HIBCH: variants seen among roughly 807,000 people sequenced by gnomAD.
The protein encoded by HIBCH is 3-hydroxyisobutyryl-CoA hydrolase, mitochondrial.
HIBCH carries 50 observed loss-of-function variants against 58.2 expected under a neutral mutation model. The ratio of observed to expected loss-of-function variants is 0.86; its 90% CI spans 0.68 to 1.09. The LOEUF is 1.09. Among genes scored for constraint, HIBCH ranks in the 50% least tolerant of loss-of-function variants. HIBCH has a pLI of 0.00. For synonymous variants in HIBCH, 151 were observed against 146.9 expected, an observed-to-expected ratio of 1.03 and a Z score of -0.20; for missense variants, 450 against 449.7, an observed-to-expected ratio of 1.00 and a Z score of -0.01.
At position 190,319,755 on chromosome 2, in the gene HIBCH, A is replaced by C; in HGVS notation, c.-5T>G. ...CCACATCTCGCGCTGCCCCATCGCC[A>C]AACACTCCGAAGCTAAAGCAGCAGA... On this transcript the variant is annotated 5_prime_UTR_variant, in exon 1 of 14. Transcript: ENST00000359678. 1 of 1,611,414 alleles carries C rather than the reference A, an allele frequency of 6.2e-7. No homozygotes were observed. Among genetic ancestry groups the C allele is most frequent in the South Asian group, 1.1e-5 (1 of 90,138 alleles).
At chr2:190,319,370 G>A (rs1170518820) in intron 1 of HIBCH, among the ~76,000 whole-genome samples, 1 of 152,208 alleles carries the variant, frequency 6.6e-6, no homozygotes, top group African/African-American at 2.4e-5. Flanking sequence ...AAAACATGCC[G>A]CACAGTTCCG....
chr2:190,286,573 TG>T (rs1490746737), intron 6 of HIBCH, among the ~76,000 whole-genome samples: 1 of 152,204 alleles, frequency 6.6e-6, no homozygotes, highest in African/African-American at 2.4e-5. Context: ...AGCCCTTTCC[TG>T]CCATGAAGAC....
intron 1 of HIBCH, among the ~76,000 whole-genome samples, chr2:190,192,189 A>G (rs762659188): frequency 1.3e-5 from 2 of 152,120 alleles, no homozygotes; most frequent in Non-Finnish European, 2.9e-5. Flanking sequence ...CAATTGTTCC[A>G]ATCCCATTTG....
At chr2:190,234,422 G>A (rs974387437) in intron 11 of HIBCH, among the ~76,000 whole-genome samples, 1 of 152,150 alleles carries the variant, frequency 6.6e-6, no homozygotes, top group Non-Finnish European at 1.5e-5. Flanking sequence ...TCCAACAGTA[G>A]AAATGAATAA....
intron 11 of HIBCH, among the ~76,000 whole-genome samples, chr2:190,238,471 T>C (rs558172237): frequency 1.3e-5 from 2 of 152,212 alleles, no homozygotes; most frequent in South Asian, 4.1e-4. Context: ...TAAATGTCTT[T>C]TGTTTGTTTT....
In HIBCH at chr2:190,194,563, G is replaced by A. The variant is rs188623968; in HGVS notation, c.*18-4566C>T. 5.3e-5 allele frequency among the ~76,000 whole-genome samples: 8 copies of A among 151,076 alleles called. No homozygotes were observed. The East Asian group carries it at 1.2e-3, about 22-fold the overall frequency. On this transcript the variant is annotated intron_variant, in intron 1 of 1. Transcript: ENST00000399855. The stretch of plus-strand genomic sequence containing the variant: ...CACATCGCAATCACCTGAAATCCAC[G>A]TTATTTTAGGGTTCATTCCTGGTGT...
intron 6 of HIBCH, among the ~76,000 whole-genome samples, chr2:190,286,080 G>A (rs895207831): frequency 3.3e-5 from 5 of 151,944 alleles, no homozygotes; most frequent in Non-Finnish European, 5.9e-5. Flanking sequence ...AGCCTCAAGC[G>A]ATTTACCCAC....
At chr2:190,316,216 G>C (rs1297059067) in intron 1 of HIBCH, among the ~76,000 whole-genome samples, 2 of 151,978 alleles carry the variant, frequency 1.3e-5, no homozygotes, top group African/African-American at 4.8e-5. Flanking sequence ...ATGATACATG[G>C]GCTCAAATGC....
intron 4 of HIBCH, among the ~76,000 whole-genome samples, chr2:190,291,923 A>T (rs1020861560): frequency 1.1e-3 from 161 of 152,374 alleles, no homozygotes; most frequent in African/African-American, 3.8e-3. Flanking sequence ...CTTTTATGGG[A>T]AAGTATTACA....
chr2:190,308,620 G>A (rs1447902335), intron 2 of HIBCH, among the ~76,000 whole-genome samples: 1 of 152,116 alleles, frequency 6.6e-6, no homozygotes. Flanking sequence ...GGACTCTACA[G>A]AGGTCCCACC....
intron 7 of HIBCH, among the ~76,000 whole-genome samples, chr2:190,252,970 C>T (rs956930406): frequency 6.6e-6 from 1 of 152,254 alleles, no homozygotes; most frequent in African/African-American, 2.4e-5. Flanking sequence ...AGGCAGATCA[C>T]CTGAGGTCAG....
In HIBCH at chr2:190,291,619, T is replaced by C. The variant is rs531503663; in HGVS notation, c.305-1134A>G. ...TGACATTCTTATTTATTAACATCGA[T>C]AGAAATGTAAATTCTCAAAGACATT... On this transcript the variant is annotated intron_variant, in intron 4 of 13. Coordinates refer to ENST00000359678, the MANE Select transcript of HIBCH (RefSeq NM_014362.4). 7.2e-4 allele frequency among the ~76,000 whole-genome samples: 109 copies of C among 152,360 alleles called. 1 individual carries two copies. In the Middle Eastern group the frequency reaches 0.017, roughly 24 times the overall value.
At position 190,209,809 on chromosome 2, in the gene HIBCH, C is replaced by G. The variant is rs1690475698; in HGVS notation, c.1012-896G>C. On this transcript the variant is annotated intron_variant, in intron 12 of 13. Transcript: ENST00000359678. This position sits in a 1 kb window ranked among gnomAD's most constrained non-coding sequence, Gnocchi z 5.6. ...TCGATGTAGGCAATATAGCTGAGTTCAAATGTCTAGGTTCACATCCTGATA... is the reference window on the plus strand; with the variant it reads ...TCGATGTAGGCAATATAGCTGAGTTGAAATGTCTAGGTTCACATCCTGATA... Among the ~76,000 whole-genome samples, 1 of 152,128 alleles carries G rather than the reference C, an allele frequency of 6.6e-6. No homozygotes were observed. The highest frequency in any genetic ancestry group is 1.5e-5 in the Non-Finnish European group (1 of 68,022).
At chr2:190,200,309 A>C (rs1322175405), downstream of HIBCH, 4 of 652,016 alleles carry the variant, frequency 6.1e-6, no homozygotes, top group East Asian at 8.3e-5. Flanking sequence ...ATGCATTTTA[A>C]GTACTTCTAT....
Position 190,309,099 on chromosome 2 carries a change from C to T in HIBCH, c.78+1655G>A, listed in dbSNP as rs114142861. On this transcript the variant is annotated intron_variant, in intron 2 of 13. Transcript: ENST00000359678. The stretch of plus-strand genomic sequence containing the variant: ...AAACACCCCAAGAGAAGTCTAGGTC[C>T]TTGTAATACTTGATTACATAGTAAT... Among the ~76,000 whole-genome samples, 647 of 152,188 alleles carry T rather than the reference C, an allele frequency of 4.3e-3. 2 individuals carry two copies. Among genetic ancestry groups the T allele is most frequent in the African/African-American group, 0.015 (631 of 41,524 alleles).
chr2:190,306,932 T>G lies in HIBCH; in HGVS notation c.78+3822A>C, dbSNP rs291440. 0.72 allele frequency among the ~76,000 whole-genome samples: 110,094 copies of G among 152,106 alleles called. 40,333 individuals carry two copies. The highest frequency in any genetic ancestry group is 0.75 in the South Asian group (3,630 of 4,812). Reference sequence around the variant, plus strand: ...TAAGATGGCCAACAAGGCTGTCTATTAACCAGGAAGCTGGCCATCACCAGA... The same window carrying G: ...TAAGATGGCCAACAAGGCTGTCTATGAACCAGGAAGCTGGCCATCACCAGA... On this transcript the variant is annotated intron_variant, in intron 2 of 13. Coordinates refer to ENST00000359678, the MANE Select transcript of HIBCH (RefSeq NM_014362.4). This position sits in a 1 kb window ranked among gnomAD's most constrained non-coding sequence, Gnocchi z 4.6.
chr2:190,276,823 C>T (rs1225557492), intron 6 of HIBCH, among the ~76,000 whole-genome samples: 1 of 152,090 alleles, frequency 6.6e-6, no homozygotes, highest in Non-Finnish European at 1.5e-5. Context: ...GTAGATGGCA[C>T]CCATTTTTCT....
intron 13 of HIBCH, 92 bp downstream of exon 13, chr2:190,208,788 T>C (rs1690453454): frequency 3.5e-6 from 4 of 1,129,954 alleles, no homozygotes; most frequent in South Asian, 2.6e-5. Context: ...GATTTTAGGA[T>C]TTGGGATGCA....
chr2:190,204,310 A>T lies in HIBCH; in HGVS notation c.*807T>A, dbSNP rs1690335142. 1 of 152,064 alleles carries T rather than the reference A, an allele frequency of 6.6e-6. No homozygotes were observed. 9.4% of individuals were successfully genotyped at this position (152,064 alleles called of 1,614,324 possible). On this transcript the variant is annotated 3_prime_UTR_variant, in exon 14 of 14. Coordinates refer to ENST00000359678, the MANE Select transcript of HIBCH (RefSeq NM_014362.4). Reference sequence around the variant, plus strand: ...TCTTACGTAAATTATAAAAAAACAGAGTGTCTCTATCTAAGAGATTGGAGT... The same window carrying T: ...TCTTACGTAAATTATAAAAAAACAGTGTGTCTCTATCTAAGAGATTGGAGT...
Sources: gnomAD v4.1 joint callset for allele counts (sites outside exome capture counted in the v4.1 genomes callset) on GRCh38, gnomAD v4.1.1 for gene constraint, Gnocchi (gnomAD v3.1) non-coding constraint, MANE v1.5 for transcripts, NCBI Gene and HGNC (gene_info 2026-07-23, HGNC 2026-07-21) for gene names.